Variants in CCDC126 observed in about 807,000 individuals in gnomAD.
CCDC126 encodes the protein coiled-coil domain containing 126.
Under a neutral mutation model 11.7 loss-of-function variants are expected in CCDC126, and 5 were observed. That is an observed-to-expected ratio of 0.43 (90% CI 0.22 to 0.90). CCDC126 has a LOEUF of 0.90. Ranked by LOEUF, CCDC126 falls within the 40% of genes least tolerant of loss-of-function variation. The pLI is 0.27. For missense variants in CCDC126, 150 were observed against 163.1 expected (o/e 0.92, Z 0.44); for synonymous variants, 60 against 61.9 (o/e 0.97, Z 0.14).
intron 3 of CCDC126, among the ~76,000 whole-genome samples, chr7:23,628,801 A>G (rs559708775): frequency 1.3e-5 from 2 of 152,248 alleles, no homozygotes; most frequent in African/African-American, 2.4e-5. Context: ...GAGTCAGGAC[A>G]TTCATCATCC....
chr7:23,633,292 C>T (rs1358946159), intron 3 of CCDC126, among the ~76,000 whole-genome samples: 1 of 152,138 alleles, frequency 6.6e-6, no homozygotes, highest in Admixed American at 6.5e-5. Context: ...GTGCCCGGCC[C>T]TGCCTTGCAA....
At chr7:23,605,606 C>G (rs1193235753) in intron 2 of CCDC126, among the ~76,000 whole-genome samples, 2 of 152,172 alleles carry the variant, frequency 1.3e-5, no homozygotes, top group African/African-American at 4.8e-5. Flanking sequence ...TCATAACTTT[C>G]CATTCTCTTC....
At chr7:23,626,588 A>G (rs1327048406) in intron 3 of CCDC126, among the ~76,000 whole-genome samples, 1 of 152,100 alleles carries the variant, frequency 6.6e-6, no homozygotes, top group Non-Finnish European at 1.5e-5. Flanking sequence ...TTCATTGTAC[A>G]TATTATTATA....
At chr7:23,633,452 ACCT>A (rs953604732) in intron 3 of CCDC126, among the ~76,000 whole-genome samples, 14 of 152,128 alleles carry the variant, frequency 9.2e-5, no homozygotes, top group African/African-American at 3.1e-4. Context: ...AAGCACTTTT[ACCT>A]ATGGTGTTCT....
At chr7:23,611,082 T>C in intron 2 of CCDC126, 89 bp from the exon 3 acceptor site, 1 of 313,098 alleles carries the variant, frequency 3.2e-6, no homozygotes, top group Admixed American at 4.6e-5. Context: ...CAGTTCCAAA[T>C]AAAAATTATA....
intron 2 of CCDC126, among the ~76,000 whole-genome samples, chr7:23,609,974 A>G (rs1782681776): frequency 6.6e-6 from 1 of 152,240 alleles, no homozygotes; most frequent in African/African-American, 2.4e-5. Flanking sequence ...ATTTCTATCT[A>G]AAGAATTTTG....
Position 23,643,011 on chromosome 7 carries a change from ATTG to A in CCDC126, c.324_326del (p.Val109del). ...GAAGCTGGAGAACAAAGTTGACTATATTGTTGTGAATGGCTCAGCAGCCAACAC... is the reference window on the plus strand; with the variant it reads ...GAAGCTGGAGAACAAAGTTGACTATATTGTGAATGGCTCAGCAGCCAACAC... On this transcript the variant is annotated inframe_deletion, in exon 4 of 4. Transcript: ENST00000307471. The A allele has an allele frequency of 3.7e-6, 6 of 1,614,158 alleles. No individual in the cohort carries two copies. The East Asian group carries it at 6.7e-5, about 18-fold the overall frequency.
chr7:23,612,272 C>T (rs914688858), intron 3 of CCDC126, among the ~76,000 whole-genome samples: 2 of 151,082 alleles, frequency 1.3e-5, no homozygotes, highest in African/African-American at 2.4e-5. Flanking sequence ...GCCTAGTAGC[C>T]TAGGCAACAT....
chr7:23,602,911 T>A (rs1251978021), intron 2 of CCDC126, among the ~76,000 whole-genome samples: 1 of 152,164 alleles, frequency 6.6e-6, no homozygotes, highest in Non-Finnish European at 1.5e-5. Context: ...GTCTTTCATA[T>A]CTTGCTTTAC....
chr7:23,612,226 G>A (rs1782723795), intron 3 of CCDC126, among the ~76,000 whole-genome samples: 1 of 151,778 alleles, frequency 6.6e-6, no homozygotes, highest in Non-Finnish European at 1.5e-5. Flanking sequence ...GGGGGCCAAG[G>A]TGGGAAGATT....
chr7:23,620,386 A>G (rs987674539), intron 3 of CCDC126, among the ~76,000 whole-genome samples: 2 of 152,190 alleles, frequency 1.3e-5, no homozygotes, highest in Non-Finnish European at 2.9e-5. Context: ...TCTTCTTTTG[A>G]GAAGTGTCTG....
rs768866142 is a variant in CCDC126 at position 23,643,101 on chromosome 7, GGCAGTATCAGATA to G, written c.415_*4del. The G allele has an allele frequency of 6.2e-7, 1 of 1,613,782 alleles. No homozygotes were observed. On this transcript the variant is annotated frameshift_variant and stop_lost, in exon 4 of 4. Coordinates refer to ENST00000307471, the MANE Select transcript of CCDC126 (RefSeq NM_138771.4). LOFTEE classifies it high-confidence loss of function. ...CACAAATAAAAGAACGAATGTCTCG[GGCAGTATCAGATA>G]GCAGTTGAAAATCACCTTGTGCTGC...
chr7:23,619,353 A>G (rs911035153), intron 3 of CCDC126: 1 of 364,974 alleles, frequency 2.7e-6, no homozygotes, highest in Non-Finnish European at 5.3e-6. Context: ...AAAAGAACAC[A>G]AGGAAGTATG....
At chr7:23,611,622 TTA>T in intron 3 of CCDC126, 69 bp downstream of exon 3, 1 of 1,124,764 alleles carries the variant, frequency 8.9e-7, no homozygotes, top group South Asian at 1.3e-5. Flanking sequence ...GAAATTGAAC[TTA>T]TTACTTCATG....
intron 2 of CCDC126, among the ~76,000 whole-genome samples, chr7:23,608,269 T>C (rs1472971416): frequency 6.6e-6 from 1 of 152,132 alleles, no homozygotes. Context: ...GAAGAAATGC[T>C]TGTAGGTTGT....
Position 23,611,519 on chromosome 7 carries a change from G to A in CCDC126, c.204G>A (p.Val68=). 1.2e-6 allele frequency: 2 copies of A among 1,613,294 alleles called. No individual in the cohort carries two copies. The highest frequency in any genetic ancestry group is 3.3e-5 in the Admixed American group (2 of 60,014). The part of the protein sequence containing the change: ...KALAEENKNT[V]DVENGASMAG... ...TAGCAGAGGAAAATAAGAACACAGT[G>A]GATGTCGAGAACGGTGCTTCTATGG... The change falls in exon 3 of 4, where the codon GTG becomes GTA. Residue 68 remains valine (V), a synonymous_variant. Transcript: ENST00000307471.
chr7:23,628,523 A>G (rs556775701), intron 3 of CCDC126, among the ~76,000 whole-genome samples: 1 of 152,334 alleles, frequency 6.6e-6, no homozygotes, highest in South Asian at 2.1e-4. Context: ...ACTACCAGCT[A>G]CCTGATCAAA....
chr7:23,615,136 G>A (rs1782775184), intron 3 of CCDC126, among the ~76,000 whole-genome samples: 2 of 152,182 alleles, frequency 1.3e-5, no homozygotes, highest in South Asian at 4.1e-4. Flanking sequence ...TTGTTACTTA[G>A]TATAGCCACC....
intron 3 of CCDC126, among the ~76,000 whole-genome samples, chr7:23,629,954 A>C (rs540773553): frequency 6.6e-6 from 1 of 152,360 alleles, no homozygotes; most frequent in African/African-American, 2.4e-5. Context: ...CAAAAGACAG[A>C]GTCCTCAGAT....
Sources: allele counts gnomAD v4.1 joint callset (sites outside exome capture counted in the v4.1 genomes callset), GRCh38; gene constraint gnomAD v4.1.1; transcripts MANE v1.5; gene names NCBI Gene and HGNC (gene_info 2026-07-23, HGNC 2026-07-21).